NKAIN3: variants seen among roughly 807,000 people sequenced by gnomAD.
NKAIN3 encodes sodium/potassium transporting ATPase interacting 3.
In NKAIN3, 25 loss-of-function variants were observed where a neutral mutation model predicts 30.2. That is an observed-to-expected ratio of 0.83 (90% confidence interval 0.60 to 1.16). The LOEUF is 1.16. Among genes scored for constraint, NKAIN3 ranks in the 50% most tolerant of loss-of-function variants. NKAIN3 has a pLI of 0.00. For missense variants in NKAIN3, 225 were observed against 254.1 expected, an observed-to-expected ratio of 0.89 and a Z score of 0.78; for synonymous variants, 91 against 89.6, an observed-to-expected ratio of 1.02 and a Z score of -0.09.
At chr8:62,904,599 T>C (rs1821722027) in intron 4 of NKAIN3, among the ~76,000 whole-genome samples, 1 of 152,200 alleles carries the variant, frequency 6.6e-6, no homozygotes, top group African/African-American at 2.4e-5. Context: ...CTGAGCAACA[T>C]GGTGACCCAC....
chr8:62,615,930 C>T (rs1811439093), intron 3 of NKAIN3, among the ~76,000 whole-genome samples: 1 of 152,072 alleles, frequency 6.6e-6, no homozygotes, highest in African/African-American at 2.4e-5. Context: ...AAGCCAGGTG[C>T]TATGATTGCT....
intron 5 of NKAIN3, among the ~76,000 whole-genome samples, chr8:62,919,113 T>C (rs897164416): frequency 1.3e-5 from 2 of 151,632 alleles, no homozygotes; most frequent in African/African-American, 4.8e-5. Context: ...AGTTATATGA[T>C]AGAGCTTTAG....
chr8:62,284,358 G>T (rs535073778), intron 1 of NKAIN3, among the ~76,000 whole-genome samples: 3 of 152,182 alleles, frequency 2.0e-5, no homozygotes. Context: ...ACCCAGGCGC[G>T]GTGGCTTACG....
chr8:62,821,689 T>C (rs1031886859), intron 4 of NKAIN3, among the ~76,000 whole-genome samples: 8 of 152,042 alleles, frequency 5.3e-5, no homozygotes, highest in Admixed American at 1.3e-4. Flanking sequence ...ACGTAAGCAT[T>C]AGTTGAGATG....
At chr8:62,618,090 G>A (rs1193662334) in intron 3 of NKAIN3, among the ~76,000 whole-genome samples, 1 of 152,162 alleles carries the variant, frequency 6.6e-6, no homozygotes, top group African/African-American at 2.4e-5. Context: ...GCCATTCCAC[G>A]TGCTGCATTC....
chr8:62,353,225 T>A (rs73684971), intron 1 of NKAIN3, among the ~76,000 whole-genome samples: 6,080 of 152,230 alleles, frequency 0.04, 425 homozygotes, highest in African/African-American at 0.14. Flanking sequence ...AATAAAAAAA[T>A]AAGCCAACTC....
At chr8:62,810,236 A>G (rs1818445326) in intron 4 of NKAIN3, among the ~76,000 whole-genome samples, 1 of 152,154 alleles carries the variant, frequency 6.6e-6, no homozygotes, top group Non-Finnish European at 1.5e-5. Flanking sequence ...TAATACAGAA[A>G]AGCCTTTACT....
intron 1 of NKAIN3, among the ~76,000 whole-genome samples, chr8:62,298,435 A>G (rs191701842): frequency 1.1e-3 from 166 of 152,214 alleles, no homozygotes; most frequent in African/African-American, 3.9e-3. Flanking sequence ...GGTAGGCCCC[A>G]GTATCAACCC....
intron 1 of NKAIN3, among the ~76,000 whole-genome samples, chr8:62,381,980 T>C (rs1817294145): frequency 6.6e-6 from 1 of 152,140 alleles, no homozygotes; most frequent in Admixed American, 6.6e-5. Flanking sequence ...CCCTCTGTCT[T>C]TAGGGACTGC....
intron 1 of NKAIN3, among the ~76,000 whole-genome samples, chr8:62,281,871 G>T (rs967669345): frequency 5.9e-5 from 9 of 152,064 alleles, no homozygotes; most frequent in Admixed American, 1.3e-4. Context: ...AGCATTTTAT[G>T]AGTTCTGATG....
At chr8:62,941,351 C>CACTAT (rs1249530831) in intron 5 of NKAIN3, among the ~76,000 whole-genome samples, 2 of 151,954 alleles carry the variant, frequency 1.3e-5, no homozygotes, top group Non-Finnish European at 2.9e-5. Context: ...ATACTATTGA[C>CACTAT]ACTATTCCAC....
chr8:62,923,324 CAA>C (rs943796339), intron 5 of NKAIN3, among the ~76,000 whole-genome samples: 1 of 144,348 alleles, frequency 6.9e-6, no homozygotes. Context: ...GACGCTGTCT[CAA>C]AAAAAAAATA....
At chr8:62,545,033 G>A (rs1424310695) in intron 1 of NKAIN3, among the ~76,000 whole-genome samples, 1 of 152,158 alleles carries the variant, frequency 6.6e-6, no homozygotes, top group African/African-American at 2.4e-5. Context: ...TGAGGAGGAG[G>A]AAGAAGAGGA....
chr8:62,972,293 G>C lies in NKAIN3; in HGVS notation c.*6886G>C, dbSNP rs911924663. Among the ~76,000 whole-genome samples the C allele has an allele frequency of 6.6e-6, 1 of 151,984 alleles. No homozygotes were observed. Among genetic ancestry groups the C allele is most frequent in the Non-Finnish European group, 1.5e-5 (1 of 67,994 alleles). ...CAAGAACATAATATCGGCTGAAGTG[G>C]AATGAGTATTCAAATTGTCCAAAAA... On this transcript the variant is annotated 3_prime_UTR_variant, in exon 7 of 7. Coordinates refer to ENST00000623646, the MANE Select transcript of NKAIN3 (RefSeq NM_001304533.3).
chr8:62,555,891 C>A (rs932114140), intron 1 of NKAIN3, among the ~76,000 whole-genome samples: 1 of 151,948 alleles, frequency 6.6e-6, no homozygotes, highest in African/African-American at 2.4e-5. Flanking sequence ...CTGCTAGCAT[C>A]ATGAGAATCA....
chr8:62,661,613 C>G lies in NKAIN3; in HGVS notation c.273+71819C>G, dbSNP rs73685423. ...AACAGACCTGTTCCTCCCTCCCTCT[C>G]TCTTCCTCCTTCCCCACTTGGTTGC... On this transcript the variant is annotated intron_variant, in intron 3 of 6. Transcript: ENST00000623646. 4.1e-3 allele frequency among the ~76,000 whole-genome samples: 628 copies of G among 152,250 alleles called. 1 individual carries two copies. Among genetic ancestry groups the G allele is most frequent in the African/African-American group, 0.014 (593 of 41,556 alleles).
Position 62,579,542 on chromosome 8 carries a change from T to A in NKAIN3, c.58T>A (p.Ser20Thr), listed in dbSNP as rs1013335853. 3 of 1,600,386 alleles carry A rather than the reference T, an allele frequency of 1.9e-6. No individual in the cohort carries two copies. The highest frequency in any genetic ancestry group is 1.7e-5 in the Admixed American group (1 of 57,146). ...LICLCALQLVSALERQIFDFL... is the reference protein window; with the variant it reads ...LICLCALQLVTALERQIFDFL... ...GAACTTTCTTTTTTTGTTGTAGGTC[T>A]CAGCATTAGAGAGGCAGATCTTTGA... The change falls in exon 2 of 7, where the codon TCA (serine) becomes ACA (threonine). Residue 20 changes from serine to threonine, a missense_variant. Physicochemically the swap from Ser to Thr is moderately conservative, Grantham distance 58 (BLOSUM62 1). Transcript: ENST00000623646.
chr8:62,497,340 A>T (rs957819841), intron 1 of NKAIN3, among the ~76,000 whole-genome samples: 10 of 152,038 alleles, frequency 6.6e-5, no homozygotes, highest in Non-Finnish European at 1.2e-4. Flanking sequence ...AGAAGATAGG[A>T]TATATACTGT....
At chr8:62,850,116 G>C (rs1819842351) in intron 4 of NKAIN3, among the ~76,000 whole-genome samples, 1 of 152,064 alleles carries the variant, frequency 6.6e-6, no homozygotes, top group Non-Finnish European at 1.5e-5. Context: ...TCCAGCACCT[G>C]TTGTTTCCTG....
Sources: gnomAD v4.1 joint callset for allele counts (sites outside exome capture counted in the v4.1 genomes callset) on GRCh38, gnomAD v4.1.1 for gene constraint, MANE v1.5 for transcripts, NCBI Gene and HGNC (gene_info 2026-07-23, HGNC 2026-07-21) for gene names.